The following MS4A3 variants were observed in gnomAD, a reference collection of about 807,000 sequenced individuals.
The protein encoded by MS4A3 is membrane-spanning 4-domains subfamily A member 3.
MS4A3 carries 18 observed loss-of-function variants against 24.7 expected under a neutral mutation model. The ratio of observed to expected loss-of-function variants is 0.73; its 90% CI spans 0.50 to 1.08. The LOEUF (loss-of-function observed/expected upper bound fraction) is 1.08, where lower values mean the gene tolerates loss of function less well. MS4A3 is among the 50% of genes least tolerant of loss of function. The pLI, the probability that MS4A3 is intolerant of heterozygous loss-of-function variation, is 0.00. For missense variants in MS4A3, 282 were observed against 251.7 expected (o/e 1.12, Z -0.82); for synonymous variants, 84 against 95.3 (o/e 0.88, Z 0.69).
At chr11:60,061,520 G>T (rs1306329805) in intron 2 of MS4A3, 2 of 667,684 alleles carry the variant, frequency 3.0e-6, no homozygotes, top group Non-Finnish European at 5.4e-6. Flanking sequence ...TGAGGATGAA[G>T]ACCTTTATGA....
intron 5 of MS4A3, among the ~76,000 whole-genome samples, chr11:60,068,288 G>A (rs1449854756): frequency 1.4e-5 from 2 of 140,008 alleles, no homozygotes; most frequent in African/African-American, 5.4e-5. Flanking sequence ...CACCCAGGCT[G>A]GAGTGCAGTG....
At chr11:60,057,640 G>C (rs1382801963) in intron 1 of MS4A3, among the ~76,000 whole-genome samples, 1 of 152,080 alleles carries the variant, frequency 6.6e-6, no homozygotes, top group African/African-American at 2.4e-5. Context: ...TCCTGACCTT[G>C]AGATCCTCCC....
chr11:60,060,181 G>C (rs2134657155), intron 1 of MS4A3, among the ~76,000 whole-genome samples: 1 of 152,274 alleles, frequency 6.6e-6, no homozygotes, highest in South Asian at 2.1e-4. Context: ...TTAGAAGGCA[G>C]AGTATAAGTT....
chr11:60,066,690 C>A (rs1019021174), intron 4 of MS4A3, among the ~76,000 whole-genome samples: 2 of 152,106 alleles, frequency 1.3e-5, no homozygotes, highest in African/African-American at 2.4e-5. Flanking sequence ...TCTGTTAGCC[C>A]CTAGTACTTA....
chr11:60,056,689 G>A lies in MS4A3; in HGVS notation c.-67G>A, dbSNP rs182290812. Reference sequence around the variant, plus strand: ...TCTTTTCTGAGTGTCTCCTACTTGCGACAAGGTGGACTTGGGAGGAAAGCC... The same window carrying A: ...TCTTTTCTGAGTGTCTCCTACTTGCAACAAGGTGGACTTGGGAGGAAAGCC... On this transcript the variant is annotated 5_prime_UTR_variant, in exon 1 of 7. Transcript: ENST00000278865. 5.3e-5 allele frequency: 8 copies of A among 152,322 alleles called. No individual in the cohort carries two copies. Among genetic ancestry groups the A allele is most frequent in the African/African-American group, 1.7e-4 (7 of 41,558 alleles). The allele number at this position is 152,322 out of a possible 1,614,324, so 9.4% of individuals were successfully genotyped here.
intron 4 of MS4A3, among the ~76,000 whole-genome samples, chr11:60,066,675 C>T (rs190658206): frequency 1.4e-4 from 22 of 152,274 alleles, no homozygotes; most frequent in African/African-American, 4.6e-4. Context: ...TTCTCCTTAT[C>T]CCATTCTGTT....
At chr11:60,065,179 A>G (rs1295459958) in intron 4 of MS4A3, among the ~76,000 whole-genome samples, 1 of 150,702 alleles carries the variant, frequency 6.6e-6, no homozygotes, top group Non-Finnish European at 1.5e-5. Context: ...AGCTGGGACT[A>G]CAGGTGTGTG....
chr11:60,069,214 G>A lies in MS4A3; in HGVS notation c.514-360G>A, dbSNP rs143778795. ...GAAGTGCTAATGAAATTGTGGAAGG[G>A]CCATTTTTGTTCATTTTTCTAAACT... On this transcript the variant is annotated intron_variant, in intron 5 of 6. Transcript: ENST00000278865. Among the ~76,000 whole-genome samples, 6 of 152,178 alleles carry A rather than the reference G, an allele frequency of 3.9e-5. No homozygotes were observed. In the East Asian group the frequency reaches 1.2e-3, roughly 29 times the overall value.
chr11:60,067,079 G>C lies in MS4A3; in HGVS notation c.480G>C (p.Pro160=). The C allele has an allele frequency of 3.1e-6, 5 of 1,609,752 alleles. No individual in the cohort carries two copies. The highest frequency in any genetic ancestry group is 4.2e-6 in the Non-Finnish European group (5 of 1,178,938). The change falls in exon 5 of 7, where the codon CCG becomes CCC. Residue 160 remains proline (P), a synonymous_variant. Coordinates refer to ENST00000278865, the MANE Select transcript of MS4A3 (RefSeq NM_006138.5). ...LRSCHSSSES[P]DLCNYMGSIS... ...GTTGTCACTCTTCATCAGAGTCACC[G>C]GACCTATGCAATTACATGGGCTCCA...
chr11:60,056,971 A>G (rs1397015476), intron 1 of MS4A3, among the ~76,000 whole-genome samples: 2 of 152,178 alleles, frequency 1.3e-5, no homozygotes, highest in East Asian at 3.8e-4. Context: ...AAATGTGGGT[A>G]TGGATACACA....
intron 2 of MS4A3, among the ~76,000 whole-genome samples, chr11:60,061,858 T>G (rs1346959948): frequency 1.3e-5 from 2 of 152,186 alleles, no homozygotes; most frequent in East Asian, 3.8e-4. Context: ...ACTGACTTAA[T>G]AATGATTGGA....
At chr11:60,068,521 G>C (rs1370929136) in intron 5 of MS4A3, among the ~76,000 whole-genome samples, 1 of 151,496 alleles carries the variant, frequency 6.6e-6, no homozygotes, top group Non-Finnish European at 1.5e-5. Context: ...CAAAGTGCTG[G>C]GATTACAGGC....
At chr11:60,064,355 G>C (rs1855325884) in intron 4 of MS4A3, 37 bp downstream of exon 4, 1 of 1,462,760 alleles carries the variant, frequency 6.8e-7, no homozygotes, top group East Asian at 2.3e-5. Context: ...GATCAGAGGA[G>C]TAGAAATATA....
rs755841640 is a variant in MS4A3, at chr11:60,061,181, T to C, written c.21T>C (p.Asp7=). 3 of 1,596,334 alleles carry C rather than the reference T, an allele frequency of 1.9e-6. No individual in the cohort carries two copies. The highest frequency in any genetic ancestry group is 3.7e-5 in the Admixed American group (2 of 54,316). The stretch of plus-strand genomic sequence containing the variant: ...CCCCAATGGCCTCCCACGAAGTTGA[T>C]AATGCAGAGCTGGGGTCAGCCTCTG... MASHEV[D]NAELGSASAH... Residue 7 remains aspartate (D), a synonymous_variant, in exon 2 of 7, where the codon GAT becomes GAC. Transcript: ENST00000278865.
At chr11:60,060,911 A>G (rs1208553870) in intron 1 of MS4A3, 10 of 327,876 alleles carry the variant, frequency 3.0e-5, no homozygotes, top group Non-Finnish European at 5.5e-5. Flanking sequence ...GCTCTTTACC[A>G]TTCCAAAGTT....
chr11:60,069,053 CA>C (rs1341605749), intron 5 of MS4A3, among the ~76,000 whole-genome samples: 1 of 151,980 alleles, frequency 6.6e-6, no homozygotes, highest in Non-Finnish European at 1.5e-5. Flanking sequence ...ATTTTTCCTC[CA>C]GGGATATATT....
intron 3 of MS4A3, among the ~76,000 whole-genome samples, chr11:60,063,829 G>C (rs530154078): frequency 7.9e-5 from 12 of 152,232 alleles, no homozygotes; most frequent in African/African-American, 2.4e-4. Context: ...GGATGCAAAG[G>C]CATAAGAATG....
At position 60,064,286 on chromosome 11, in the gene MS4A3, G is replaced by A. The variant is rs200209777; in HGVS notation, c.319G>A (p.Val107Ile). 3.7e-4 allele frequency: 592 copies of A among 1,604,568 alleles called. 7 individuals carry two copies. The South Asian group carries it at 6.2e-3, about 17-fold the overall frequency. ...VFFCSSGTLS[V>I]VAGIKPTRTW... Reference sequence around the variant, plus strand: ...GTTCTGTAGTTCAGGAACCTTGTCTGTTGTAGCAGGGATAAAACCCACAAG... The same window carrying A: ...GTTCTGTAGTTCAGGAACCTTGTCTATTGTAGCAGGGATAAAACCCACAAG... Residue 107 changes from valine to isoleucine, a missense_variant, in exon 4 of 7, where the codon GTT becomes ATT. Physicochemically the swap from Val to Ile is conservative, Grantham distance 29. Transcript: ENST00000278865.
Position 60,070,311 on chromosome 11 carries a change from C to T in MS4A3, c.*78C>T. On this transcript the variant is annotated 3_prime_UTR_variant, in exon 7 of 7. Transcript: ENST00000278865. The stretch of plus-strand genomic sequence containing the variant: ...AGTGACTCAGAGCTTCACCCACAAA[C>T]TCAGGAGAACATAAGCCTGCTCGTA... 2 of 1,189,292 alleles carry T rather than the reference C, an allele frequency of 1.7e-6. No homozygotes were observed. Among genetic ancestry groups the T allele is most frequent in the Non-Finnish European group, 2.5e-6 (2 of 802,150 alleles). The allele number at this position is 1,189,292 out of a possible 1,614,324, so 73.7% of individuals were successfully genotyped here.
Sources: gnomAD v4.1 joint callset for allele counts (sites outside exome capture counted in the v4.1 genomes callset) on GRCh38, gnomAD v4.1.1 for gene constraint, MANE v1.5 for transcripts, NCBI Gene and HGNC (gene_info 2026-07-23, HGNC 2026-07-21) for gene names.